Variants in CSMD1 observed in about 807,000 individuals in gnomAD.
The protein encoded by CSMD1 is CUB and Sushi multiple domains 1.
A neutral mutation model predicts 417.5 loss-of-function variants in CSMD1; 213 were observed. The observed-to-expected ratio is 0.51, with a 90% CI of 0.46 to 0.57. The LOEUF is 0.57. Ranked by LOEUF, CSMD1 falls within the 20% of genes least tolerant of loss-of-function variation. The pLI is 0.00. For synonymous variants in CSMD1, 2,862 were observed against 1,736.8 expected, an observed-to-expected ratio of 1.65 and a Z score of -16.11; for missense variants, 6,923 against 4,529.7, an observed-to-expected ratio of 1.53 and a Z score of -15.17.
chr8:4,621,244 C>T (rs954171218), intron 2 of CSMD1, among the ~76,000 whole-genome samples: 2 of 151,968 alleles, frequency 1.3e-5, no homozygotes, highest in African/African-American at 4.8e-5. Context: ...ATTTCATGTA[C>T]ATCTTATATA....
chr8:4,042,814 T>TAAAAAAAAAAAAAAAA (rs1563355345), intron 3 of CSMD1, among the ~76,000 whole-genome samples: 2 of 21,018 alleles, frequency 9.5e-5, no homozygotes, highest in African/African-American at 5.0e-4. Flanking sequence ...GTACAACATA[T>TAAAAAAAAAAAAAAAA]TAAAAAAAAA....
At chr8:3,991,501 A>C (rs554065361) in intron 5 of CSMD1, among the ~76,000 whole-genome samples, 1 of 152,286 alleles carries the variant, frequency 6.6e-6, no homozygotes, top group Non-Finnish European at 1.5e-5. Context: ...TATACCCAGA[A>C]ATATGCTCAA....
At chr8:3,169,433 T>C (rs1381745536) in intron 37 of CSMD1, among the ~76,000 whole-genome samples, 1 of 151,960 alleles carries the variant, frequency 6.6e-6, no homozygotes, top group Non-Finnish European at 1.5e-5. Context: ...AAGACAAATA[T>C]TGTATGATTC....
intron 2 of CSMD1, among the ~76,000 whole-genome samples, chr8:4,446,903 G>C (rs535168869): frequency 1.3e-5 from 2 of 151,140 alleles, no homozygotes; most frequent in Non-Finnish European, 2.9e-5. Context: ...TTACAGGCGT[G>C]AGCCATTGCG....
intron 42 of CSMD1, among the ~76,000 whole-genome samples, chr8:3,112,064 C>G (rs565627759): frequency 2.0e-5 from 3 of 152,082 alleles, no homozygotes; most frequent in African/African-American, 7.2e-5. Context: ...CCAGGCTCTG[C>G]TCACAGAGCA....
intron 1 of CSMD1, among the ~76,000 whole-genome samples, chr8:4,665,065 A>G (rs1804831181): frequency 6.6e-6 from 1 of 152,182 alleles, no homozygotes. Flanking sequence ...CAGAAAAGGT[A>G]TTAGTTTCCC....
intron 3 of CSMD1, among the ~76,000 whole-genome samples, chr8:4,225,433 C>T (rs746626259): frequency 6.6e-6 from 1 of 151,342 alleles, no homozygotes; most frequent in African/African-American, 2.4e-5. Flanking sequence ...ATACATTATT[C>T]TGATGAGTAT....
intron 10 of CSMD1, among the ~76,000 whole-genome samples, chr8:3,540,609 G>C (rs1798396917): frequency 6.6e-6 from 1 of 152,022 alleles, no homozygotes; most frequent in South Asian, 2.1e-4. Context: ...TACAGAATGG[G>C]AGAAAATTTT....
At chr8:4,303,654 T>C (rs940449750) in intron 3 of CSMD1, among the ~76,000 whole-genome samples, 1 of 152,068 alleles carries the variant, frequency 6.6e-6, no homozygotes, top group Non-Finnish European at 1.5e-5. Context: ...TTCACTTTTT[T>C]ATTTTTTATT....
chr8:3,833,116 C>T (rs1489582357), intron 5 of CSMD1, among the ~76,000 whole-genome samples: 1 of 152,114 alleles, frequency 6.6e-6, no homozygotes, highest in African/African-American at 2.4e-5. Flanking sequence ...CTTCCCACTA[C>T]AGGGAGCATG....
intron 27 of CSMD1, among the ~76,000 whole-genome samples, chr8:3,226,393 G>C (rs1798505456): frequency 6.6e-6 from 1 of 152,004 alleles, no homozygotes; most frequent in Non-Finnish European, 1.5e-5. Context: ...GACCAGTCTG[G>C]CTAACATAGC....
At chr8:3,596,322 G>A (rs1036582290) in intron 8 of CSMD1, among the ~76,000 whole-genome samples, 1 of 152,142 alleles carries the variant, frequency 6.6e-6, no homozygotes, top group Non-Finnish European at 1.5e-5. Context: ...GCAGCAGCTG[G>A]AGCTAACCAG....
intron 2 of CSMD1, among the ~76,000 whole-genome samples, chr8:4,634,898 T>C (rs1406518444): frequency 1.3e-5 from 2 of 152,280 alleles, no homozygotes; most frequent in African/African-American, 2.4e-5. Context: ...TCAGTAGTCA[T>C]TGGGCGTTTT....
chr8:2,959,936 G>A (rs899264642), intron 62 of CSMD1, among the ~76,000 whole-genome samples: 2 of 152,086 alleles, frequency 1.3e-5, no homozygotes, highest in African/African-American at 2.4e-5. Context: ...TCAATTATTC[G>A]TGTTAGTGTA....
At chr8:4,073,036 G>A (rs375524134) in intron 3 of CSMD1, among the ~76,000 whole-genome samples, 1 of 152,132 alleles carries the variant, frequency 6.6e-6, no homozygotes, top group African/African-American at 2.4e-5. Flanking sequence ...TCACCTATAA[G>A]TGTAGCGTAG....
intron 6 of CSMD1, among the ~76,000 whole-genome samples, chr8:3,709,098 G>C (rs754167023): frequency 1.3e-5 from 2 of 150,678 alleles, no homozygotes; most frequent in African/African-American, 4.9e-5. Context: ...CATTCTGAGA[G>C]TTAAATATGT....
chr8:3,788,930 T>C (rs949242173), intron 5 of CSMD1, among the ~76,000 whole-genome samples: 11 of 152,212 alleles, frequency 7.2e-5, no homozygotes, highest in African/African-American at 2.7e-4. Flanking sequence ...TATGGGTACG[T>C]ATTTCCTAGA....
chr8:4,787,923 C>T, intron 1 of CSMD1: 1 of 1,591,170 alleles, frequency 6.3e-7, no homozygotes, highest in Non-Finnish European at 8.6e-7. Flanking sequence ...AGAAATTGTT[C>T]TTGCTGATGT....
chr8:3,802,255 G>C (rs1442238170), intron 5 of CSMD1, among the ~76,000 whole-genome samples: 4 of 152,018 alleles, frequency 2.6e-5, no homozygotes, highest in African/African-American at 4.8e-5. Context: ...AAATGAGTTT[G>C]GAACATCTAC....
Sources: gnomAD v4.1 joint callset for allele counts (sites outside exome capture counted in the v4.1 genomes callset) on GRCh38, gnomAD v4.1.1 for gene constraint, MANE v1.5 for transcripts, NCBI Gene and HGNC (gene_info 2026-07-23, HGNC 2026-07-21) for gene names.